ZNF804B: variants seen among roughly 807,000 people sequenced by gnomAD.
The protein encoded by ZNF804B is zinc finger protein 804B, also known as zinc finger 804B.
ZNF804B carries 80 observed loss-of-function variants against 101.4 expected under a neutral mutation model. The observed-to-expected ratio is 0.79, with a 90% CI of 0.66 to 0.95. The LOEUF (loss-of-function observed/expected upper bound fraction) is 0.95, where lower values mean the gene tolerates loss of function less well. ZNF804B is among the 40% of genes least tolerant of loss of function. The pLI, the probability that ZNF804B is intolerant of heterozygous loss-of-function variation, is 0.00. For synonymous variants in ZNF804B, 622 were observed against 558.8 expected (o/e 1.11, Z -1.59); for missense variants, 1,673 against 1,561.9 (o/e 1.07, Z -1.20).
intron 1 of ZNF804B, among the ~76,000 whole-genome samples, chr7:88,905,163 G>T (rs1042201813): frequency 6.6e-6 from 1 of 152,244 alleles, no homozygotes; most frequent in African/African-American, 2.4e-5. Flanking sequence ...ATGAAGGGAT[G>T]TTGGATTTTA....
intron 1 of ZNF804B, among the ~76,000 whole-genome samples, chr7:88,976,649 C>T (rs1793619208): frequency 1.3e-5 from 2 of 151,460 alleles, no homozygotes; most frequent in African/African-American, 2.4e-5. Flanking sequence ...TTCAGTTTTT[C>T]CAAATATATG....
At chr7:89,000,853 T>G (rs28512243) in intron 1 of ZNF804B, among the ~76,000 whole-genome samples, 17,935 of 149,204 alleles carry the variant, frequency 0.12, 1,133 homozygotes, top group Non-Finnish European at 0.12. Context: ...TTTATATATA[T>G]AGAGAGATAT....
At chr7:89,154,833 A>C (rs1790932775) in intron 1 of ZNF804B, among the ~76,000 whole-genome samples, 3 of 152,098 alleles carry the variant, frequency 2.0e-5, no homozygotes, top group Non-Finnish European at 4.4e-5. Context: ...TATAGTCAAT[A>C]ATCAATATAC....
chr7:89,330,207 G>A (rs1192019087), intron 3 of ZNF804B, among the ~76,000 whole-genome samples: 1 of 151,678 alleles, frequency 6.6e-6, no homozygotes, highest in African/African-American at 2.4e-5. Context: ...ATGCAACTGT[G>A]GTTTCAAGGG....
rs1791955757 is a variant in ZNF804B, at chr7:88,877,025, T to TATATTTTTTTTTTTTTGAAAAAA, written c.108+116942_108+116943insTATTTTTTTTTTTTTGAAAAAAA. 5.1e-5 allele frequency among the ~76,000 whole-genome samples: 3 copies of TATATTTTTTTTTTTTTGAAAAAA among 59,268 alleles called. No individual in the cohort carries two copies. In the East Asian group the frequency reaches 2.2e-3, roughly 44 times the overall value. 38.9% of individuals were successfully genotyped at this position (59,268 alleles called of 152,430 possible). A position where few individuals can be genotyped will look rare whatever the true frequency, so the allele number is the denominator to read the frequency against. On this transcript the variant is annotated intron_variant, in intron 1 of 3. Coordinates refer to ENST00000333190, the MANE Select transcript of ZNF804B (RefSeq NM_181646.5). ...AAAAAAAAATATATATATATATATA[T>TATATTTTTTTTTTTTTGAAAAAA]AATATATATATATATATATATATAT...
intron 1 of ZNF804B, among the ~76,000 whole-genome samples, chr7:89,099,037 TTATATATTATA>T (rs1364215572): frequency 3.4e-5 from 5 of 147,522 alleles, no homozygotes; most frequent in African/African-American, 1.2e-4. Context: ...ATTATATATA[TTATATATTATA>T]TATATATTAT....
At chr7:89,168,297 G>A (rs375094843) in intron 1 of ZNF804B, among the ~76,000 whole-genome samples, 2 of 149,286 alleles carry the variant, frequency 1.3e-5, no homozygotes, top group East Asian at 1.9e-4. Context: ...GTGTGTTTGT[G>A]CATATGTGTG....
At chr7:88,957,151 G>A (rs1793322221) in intron 1 of ZNF804B, among the ~76,000 whole-genome samples, 1 of 151,444 alleles carries the variant, frequency 6.6e-6, no homozygotes, top group Non-Finnish European at 1.5e-5. Flanking sequence ...CCCATTTAAA[G>A]TAGAAACTTC....
intron 1 of ZNF804B, among the ~76,000 whole-genome samples, chr7:89,137,487 A>G (rs1488792518): frequency 1.3e-5 from 2 of 152,062 alleles, no homozygotes; most frequent in East Asian, 3.9e-4. Context: ...TGTTTTAGCA[A>G]AGAGACTGGC....
intron 1 of ZNF804B, among the ~76,000 whole-genome samples, chr7:89,200,123 A>G (rs1371786483): frequency 6.6e-6 from 1 of 151,820 alleles, no homozygotes; most frequent in Non-Finnish European, 1.5e-5. Context: ...TATAGAGGTT[A>G]AGTGATGCAC....
intron 1 of ZNF804B, among the ~76,000 whole-genome samples, chr7:89,152,253 C>CT (rs71120063): frequency 0.32 from 46,167 of 144,614 alleles, 7,159 homozygotes; most frequent in Middle Eastern, 0.45. Flanking sequence ...ATGGTTTTTT[C>CT]TTTTTTTTTT....
intron 2 of ZNF804B, among the ~76,000 whole-genome samples, chr7:89,304,829 C>T (rs1790536015): frequency 6.6e-6 from 1 of 151,792 alleles, no homozygotes; most frequent in African/African-American, 2.4e-5. Flanking sequence ...TAGCATTTGG[C>T]AAAAGACGGT....
chr7:88,877,025 T>TATATATTTTTTTTTTTGAAAAAAAA (rs1791955757), intron 1 of ZNF804B, among the ~76,000 whole-genome samples: 1 of 59,274 alleles, frequency 1.7e-5, no homozygotes, highest in Non-Finnish European at 2.7e-5. Flanking sequence ...TATATATATA[T>TATATATTTTTTTTTTTGAAAAAAAA]AATATATATA....
chr7:88,810,571 A>C (rs2115733450), intron 1 of ZNF804B, among the ~76,000 whole-genome samples: 1 of 151,986 alleles, frequency 6.6e-6, no homozygotes, highest in East Asian at 1.9e-4. Flanking sequence ...CTGAGGTGGA[A>C]GGATCACCTG....
At chr7:88,761,034 T>C (rs1261863746) in intron 1 of ZNF804B, among the ~76,000 whole-genome samples, 3 of 151,192 alleles carry the variant, frequency 2.0e-5, no homozygotes, top group Non-Finnish European at 2.9e-5. Flanking sequence ...GTCTGTATGA[T>C]ATCAAGAGGG....
At chr7:88,831,684 A>G (rs987257668) in intron 1 of ZNF804B, among the ~76,000 whole-genome samples, 5 of 151,918 alleles carry the variant, frequency 3.3e-5, no homozygotes, top group African/African-American at 1.2e-4. Flanking sequence ...TCTTATTTGA[A>G]AGATGCTTCT....
intron 1 of ZNF804B, among the ~76,000 whole-genome samples, chr7:88,860,680 A>G (rs1375590074): frequency 1.3e-5 from 2 of 152,168 alleles, no homozygotes; most frequent in Non-Finnish European, 2.9e-5. Flanking sequence ...AAGGAAAATG[A>G]GGCAGAGGAA....
At chr7:88,935,060 C>T (rs1163129637) in intron 1 of ZNF804B, among the ~76,000 whole-genome samples, 1 of 150,894 alleles carries the variant, frequency 6.6e-6, no homozygotes, top group Admixed American at 6.6e-5. Flanking sequence ...TACACACACA[C>T]ATACACACAT....
intron 2 of ZNF804B, among the ~76,000 whole-genome samples, chr7:89,240,676 A>G (rs1390095429): frequency 1.4e-4 from 21 of 151,558 alleles, no homozygotes; most frequent in Admixed American, 8.5e-4. Flanking sequence ...TTTACCTTGC[A>G]TTTTTTTCCA....
Sources: gnomAD v4.1 joint callset for allele counts (sites outside exome capture counted in the v4.1 genomes callset) on GRCh38, gnomAD v4.1.1 for gene constraint, MANE v1.5 for transcripts, NCBI Gene and HGNC (gene_info 2026-07-23, HGNC 2026-07-21) for gene names.